The following DCLK3 variants were observed in gnomAD, a reference collection of about 807,000 sequenced individuals.
The protein encoded by DCLK3 is doublecortin like kinase 3, also known as serine/threonine-protein kinase DCLK3.
A neutral mutation model predicts 46.4 loss-of-function variants in DCLK3; 30 were observed. The ratio of observed to expected loss-of-function variants is 0.65; its 90% CI spans 0.48 to 0.88. DCLK3 has a LOEUF of 0.88. Ranked by LOEUF, DCLK3 falls within the 40% of genes least tolerant of loss-of-function variation. The pLI, the probability that DCLK3 is intolerant of heterozygous loss-of-function variation, is 0.00. For missense variants in DCLK3, 846 were observed against 907.1 expected, an observed-to-expected ratio of 0.93 and a Z score of 0.87; for synonymous variants, 401 against 339.2, an observed-to-expected ratio of 1.18 and a Z score of -2.00.
Position 36,737,114 on chromosome 3 carries a change from T to C in DCLK3, c.1959+94A>G, listed in dbSNP as rs993571543. The stretch of plus-strand genomic sequence containing the variant: ...TAATAACATAAAAGTAAAATTCTAG[T>C]GTGTAAAGGTGACAGAGTATAAAAC... On this transcript the variant is annotated intron_variant, in intron 2 of 4. Transcript: ENST00000636136. The surrounding 1 kb of genome is among the most constrained non-coding windows in gnomAD (Gnocchi z 4.4). 3 of 1,440,516 alleles carry C rather than the reference T, an allele frequency of 2.1e-6. No individual in the cohort carries two copies. The highest frequency in any genetic ancestry group is 2.8e-6 in the Non-Finnish European group (3 of 1,083,944). 89.2% of individuals were successfully genotyped at this position (1,440,516 alleles called of 1,614,324 possible). A position where few individuals can be genotyped will look rare whatever the true frequency, so the allele number is the denominator to read the frequency against.
Position 36,737,266 on chromosome 3 carries a change from A to C in DCLK3, c.1901T>G (p.Leu634Arg). The C allele has an allele frequency of 6.2e-7, 1 of 1,614,194 alleles. No homozygotes were observed. Among genetic ancestry groups the C allele is most frequent in the Non-Finnish European group, 8.5e-7 (1 of 1,180,030 alleles). ...ALMIMDLCKA[L>R]VHMHDKSIVH... ...AATGCTCTTGTCGTGCATGTGGACG[A>C]GGGCTTTGCATAAGTCCATGATCAT... Residue 634 changes from leucine to arginine, a missense_variant, in exon 2 of 5, where the codon CTC becomes CGC. By Grantham distance (102) the Leu-to-Arg change is moderately radical (BLOSUM62 -2). Coordinates refer to ENST00000636136, the MANE Select transcript of DCLK3 (RefSeq NM_001394672.2). This position sits in a 1 kb window ranked among gnomAD's most constrained non-coding sequence, Gnocchi z 4.4.
In DCLK3 at chr3:36,739,095, A is replaced by G; in HGVS notation, c.83-11T>C. 1 of 398,496 alleles carries G rather than the reference A, an allele frequency of 2.5e-6. No homozygotes were observed. The highest frequency in any genetic ancestry group is 2.1e-5 in the African/African-American group (1 of 48,774). 24.7% of individuals were successfully genotyped at this position (398,496 alleles called of 1,614,324 possible). ...ATAGGCCTTGCTGTCCTGCAACAAG[A>G]AAAGGACAACAGAGTATTAGTTAAG... On this transcript the variant is annotated splice_polypyrimidine_tract_variant and intron_variant, in intron 1 of 4. Transcript: ENST00000636136.
chr3:36,739,105 C>T (rs1054118036), intron 1 of DCLK3, 21 bp from the exon 2 acceptor site: 2 of 398,220 alleles, frequency 5.0e-6, no homozygotes, highest in African/African-American at 2.1e-5. Flanking sequence ...AAAAGGACAA[C>T]AGAGTATTAG....
At chr3:36,718,829 C>A (rs1429585823) in intron 3 of DCLK3, among the ~76,000 whole-genome samples, 1 of 151,656 alleles carries the variant, frequency 6.6e-6, no homozygotes, top group African/African-American at 2.4e-5. Context: ...TGGTATACAA[C>A]ACACACACAC....
chr3:36,723,550 C>G (rs1410516304), intron 2 of DCLK3, among the ~76,000 whole-genome samples: 4 of 152,182 alleles, frequency 2.6e-5, no homozygotes, highest in Non-Finnish European at 5.9e-5. Context: ...GGACTGGGCC[C>G]AGGATCCCCA....
chr3:36,757,230 T>C (rs1701493449), intron 1 of DCLK3, among the ~76,000 whole-genome samples: 1 of 152,170 alleles, frequency 6.6e-6, no homozygotes, highest in African/African-American at 2.4e-5. Context: ...TTCTCTGCCC[T>C]CCACTTCCCC....
At position 36,764,542 on chromosome 3, in the gene DCLK3, C is replaced by A. The variant is rs1383290959; in HGVS notation, c.-279G>T. On this transcript the variant is annotated 5_prime_UTR_variant, in exon 1 of 5. Transcript: ENST00000636136. This position sits in a 1 kb window ranked among gnomAD's most constrained non-coding sequence, Gnocchi z 4.9. ...TCTGCGCCGGTCCCGCCATGCGCGCCGCTCCTGGCCCTGGAGGCCGGGCGG... is the reference window on the plus strand; with the variant it reads ...TCTGCGCCGGTCCCGCCATGCGCGCAGCTCCTGGCCCTGGAGGCCGGGCGG... Among the ~76,000 whole-genome samples, 1 of 152,152 alleles carries A rather than the reference C, an allele frequency of 6.6e-6. No homozygotes were observed. Among genetic ancestry groups the A allele is most frequent in the Admixed American group, 6.5e-5 (1 of 15,286 alleles).
intron 1 of DCLK3, among the ~76,000 whole-genome samples, chr3:36,746,792 C>A (rs1701397358): frequency 6.6e-6 from 1 of 152,196 alleles, no homozygotes; most frequent in Non-Finnish European, 1.5e-5. Context: ...TTACTATGTG[C>A]TACAGAGCAG....
In DCLK3 at chr3:36,721,629, A is replaced by G; in HGVS notation, c.1990T>C (p.Leu664=). 1.2e-6 allele frequency: 2 copies of G among 1,614,200 alleles called. No homozygotes were observed. Among genetic ancestry groups the G allele is most frequent in the Middle Eastern group, 3.3e-4 (2 of 6,062 alleles). The part of the protein sequence containing the change: ...VQRNEDKSTT[L]KLADFGLAKH... ...GCAAGTCCAAAATCAGCCAATTTCA[A>G]GGTAGTAGATTTGTCCTCATTTCGC... is the stretch of plus-strand genomic sequence containing the variant. Residue 664 remains leucine, a synonymous_variant, in exon 3 of 5, where the codon TTG becomes CTG. Transcript: ENST00000636136.
chr3:36,759,449 G>C (rs931499020), intron 1 of DCLK3, among the ~76,000 whole-genome samples: 4 of 152,236 alleles, frequency 2.6e-5, no homozygotes, highest in Admixed American at 2.6e-4. Flanking sequence ...GAGAAGCTCT[G>C]TCTACTTGGC....
chr3:36,742,287 G>A (rs923960797), intron 1 of DCLK3, among the ~76,000 whole-genome samples: 6 of 152,114 alleles, frequency 3.9e-5, no homozygotes, highest in Non-Finnish European at 5.9e-5. Flanking sequence ...AGGGAGAAGA[G>A]GGGATGTGTT....
chr3:36,738,455 A>C lies in DCLK3; in HGVS notation c.712T>G (p.Cys238Gly), dbSNP rs1328423238. 8 of 1,461,160 alleles carry C rather than the reference A, an allele frequency of 5.5e-6. No individual in the cohort carries two copies. The South Asian group carries it at 1.1e-4, about 20-fold the overall frequency. The allele number at this position is 1,461,160 out of a possible 1,614,324, so 90.5% of individuals were successfully genotyped here. Residue 238 changes from cysteine (C) to glycine (G), a missense_variant, in exon 2 of 5, where the codon TGC becomes GGC. Cys to Gly is a radical substitution (Grantham distance 159, BLOSUM62 -3). Around this residue, in one of 3 missense-constraint regions of DCLK3, gnomAD observed 553 missense variants for 543.0 expected, o/e 1.02. Coordinates refer to ENST00000636136, the MANE Select transcript of DCLK3 (RefSeq NM_001394672.2). ...TPKSCSEVAG[C>G]KAAMRHQGKI... ...CCCTGGTGCCTCATGGCTGCCTTGC[A>C]TCCTGCAACTTCGCTGCAGCTCTTG...
At chr3:36,721,479 T>A in intron 3 of DCLK3, 48 bp downstream of exon 3, 1 of 1,589,534 alleles carries the variant, frequency 6.3e-7, no homozygotes, top group Non-Finnish European at 8.6e-7. Flanking sequence ...AATGAAACAT[T>A]TGTTAGTAAG....
At chr3:36,723,471 T>C (rs1012419839) in intron 2 of DCLK3, among the ~76,000 whole-genome samples, 1 of 152,154 alleles carries the variant, frequency 6.6e-6, no homozygotes, top group African/African-American at 2.4e-5. Flanking sequence ...CTCCAGGGCA[T>C]GTCAGAGGTC....
chr3:36,736,506 A>G (rs184637114), intron 2 of DCLK3, among the ~76,000 whole-genome samples: 1 of 152,334 alleles, frequency 6.6e-6, no homozygotes, highest in East Asian at 1.9e-4. Context: ...GCTCAACAGA[A>G]GAATGGCATA....
intron 3 of DCLK3, among the ~76,000 whole-genome samples, chr3:36,718,854 A>T (rs540704509): frequency 2.0e-5 from 3 of 152,122 alleles, no homozygotes; most frequent in Non-Finnish European, 4.4e-5. Context: ...GCACACACCT[A>T]TATAGAGACA....
chr3:36,741,907 T>C (rs573882322), intron 1 of DCLK3, among the ~76,000 whole-genome samples: 3 of 152,142 alleles, frequency 2.0e-5, no homozygotes, highest in Non-Finnish European at 4.4e-5. Flanking sequence ...CTTCAAAATC[T>C]ATAGTCCCTG....
Position 36,738,573 on chromosome 3 carries a change from G to A in DCLK3, c.594C>T (p.Ala198=), listed in dbSNP as rs560166177. The A allele has an allele frequency of 1.0e-5, 15 of 1,436,578 alleles. No individual in the cohort carries two copies. The African/African-American group carries it at 2.2e-4, about 21-fold the overall frequency. 89.0% of individuals were successfully genotyped at this position (1,436,578 alleles called of 1,614,324 possible). ...TTGGAGAAGGGGCACGGCTGTGCTG[G>A]GCCAGTGTCAGGGCCCGGGCTTTGT... is the stretch of plus-strand genomic sequence containing the variant. ...YPNKARALTL[A]QHSRAPSPRL... The change falls in exon 2 of 5, where the codon GCC becomes GCT. Residue 198 remains alanine, a synonymous_variant. Coordinates refer to ENST00000636136, the MANE Select transcript of DCLK3 (RefSeq NM_001394672.2).
chr3:36,741,224 G>A (rs1701340980), intron 1 of DCLK3, among the ~76,000 whole-genome samples: 1 of 152,232 alleles, frequency 6.6e-6, no homozygotes, highest in South Asian at 2.1e-4. Flanking sequence ...GAGGAAGGGT[G>A]TCAGGAAGGT....
Sources: allele counts gnomAD v4.1 joint callset (sites outside exome capture counted in the v4.1 genomes callset), GRCh38; gene constraint gnomAD v4.1.1; regional missense constraint gnomAD v4.1.1; non-coding constraint Gnocchi (gnomAD v3.1); transcripts MANE v1.5; gene names NCBI Gene and HGNC (gene_info 2026-07-23, HGNC 2026-07-21).